NMRK2: variants seen among roughly 807,000 people sequenced by gnomAD.
NMRK2 encodes the protein NRK 2.
A neutral mutation model predicts 24.7 loss-of-function variants in NMRK2; 34 were observed. The observed-to-expected ratio is 1.37, with a 90% CI of 1.05 to 1.83. NMRK2 has a LOEUF of 1.83. Among genes scored for constraint, NMRK2 ranks in the 40% most tolerant of loss-of-function variants. NMRK2 has a pLI of 0.00. For missense variants in NMRK2, 341 were observed against 315.0 expected, an observed-to-expected ratio of 1.08 and a Z score of -0.62; for synonymous variants, 145 against 125.6, an observed-to-expected ratio of 1.15 and a Z score of -1.03.
chr19:3,940,922 G>A, intron 6 of NMRK2, 149 bp from the exon 7 acceptor site: 1 of 551,550 alleles, frequency 1.8e-6, no homozygotes, highest in South Asian at 2.4e-5. Flanking sequence ...GCCGGAGGTT[G>A]GAGCCTCTAG....
In NMRK2 at chr19:3,933,502, T is replaced by G. The variant is rs1291848748; in HGVS notation, c.-170T>G. 1.5e-5 allele frequency: 10 copies of G among 647,810 alleles called. No homozygotes were observed. Among genetic ancestry groups the G allele is most frequent in the Non-Finnish European group, 2.2e-5 (9 of 405,212 alleles). 40.1% of individuals were successfully genotyped at this position (647,810 alleles called of 1,614,324 possible). ...GGCGGCGGGAACAGGTGCCGGCGCCTCCGCCCCATCCCCAGGGGCCGCCTC... is the reference window on the plus strand; with the variant it reads ...GGCGGCGGGAACAGGTGCCGGCGCCGCCGCCCCATCCCCAGGGGCCGCCTC... On this transcript the variant is annotated 5_prime_UTR_variant, in exon 2 of 8. Transcript: ENST00000168977.
chr19:3,939,083 A>C lies in NMRK2; in HGVS notation c.323+324A>C, dbSNP rs1409483586. On this transcript the variant is annotated intron_variant, in intron 5 of 7. Transcript: ENST00000168977. ...AGGATGTTCTCAAACTCCTGACCTC[A>C]AGCCATCCGCCCGCCTCGGACTCCC... Among the ~76,000 whole-genome samples the C allele has an allele frequency of 5.9e-5, 9 of 151,324 alleles. 1 individual carries two copies. The highest frequency in any genetic ancestry group is 1.9e-4 in the African/African-American group (8 of 41,342).
In NMRK2 at chr19:3,933,582, T is replaced by G; in HGVS notation, c.-90T>G. The G allele has an allele frequency of 6.9e-7, 1 of 1,455,606 alleles. No homozygotes were observed. Among genetic ancestry groups the G allele is most frequent in the Non-Finnish European group, 9.2e-7 (1 of 1,090,318 alleles). 90.2% of individuals were successfully genotyped at this position (1,455,606 alleles called of 1,614,324 possible). ...CTATAAAGGCGCCAGGTTTTCTCAATGAAGCCGGGACGCACTCCGGAGCGC... is the reference window on the plus strand; with the variant it reads ...CTATAAAGGCGCCAGGTTTTCTCAAGGAAGCCGGGACGCACTCCGGAGCGC... On this transcript the variant is annotated 5_prime_UTR_variant, in exon 2 of 8. The change abolishes an upstream ATG in the 5' untranslated region. Transcript: ENST00000168977.
chr19:3,936,286 T>C (rs1479422493), intron 2 of NMRK2, among the ~76,000 whole-genome samples: 1 of 151,912 alleles, frequency 6.6e-6, no homozygotes, highest in Non-Finnish European at 1.5e-5. Context: ...CGTGTGCCTG[T>C]AGTCCCAGCT....
At chr19:3,941,394 C>T (rs1025325452) in intron 7 of NMRK2, among the ~76,000 whole-genome samples, 15 of 151,590 alleles carry the variant, frequency 9.9e-5, no homozygotes, top group African/African-American at 2.4e-4. Flanking sequence ...GGATTACAGG[C>T]GTGAGCCACC....
At chr19:3,938,194 C>A (rs2039250485) in intron 4 of NMRK2, among the ~76,000 whole-genome samples, 11 of 133,908 alleles carry the variant, frequency 8.2e-5, no homozygotes, top group African/African-American at 2.6e-4. Flanking sequence ...GTCCACTGTT[C>A]CCCCAGGGTC....
chr19:3,933,752 G>T, intron 2 of NMRK2, 55 bp downstream of exon 2: 1 of 1,368,552 alleles, frequency 7.3e-7, no homozygotes. Context: ...CCCTGTGCGC[G>T]CAGAGGGGGA....
chr19:3,936,520 C>A (rs2039216201), intron 2 of NMRK2, 55 bp from the exon 3 acceptor site: 1 of 1,379,706 alleles, frequency 7.2e-7, no homozygotes, highest in Non-Finnish European at 9.8e-7. Context: ...CTTCTGAGCA[C>A]CCTGACCTTC....
intron 2 of NMRK2, among the ~76,000 whole-genome samples, chr19:3,934,359 G>A (rs1430555213): frequency 6.6e-6 from 1 of 152,086 alleles, no homozygotes; most frequent in Non-Finnish European, 1.5e-5. Context: ...GTGGGATGGG[G>A]TCCCCAAAAT....
rs146515587 is a variant in NMRK2 at position 3,940,417 on chromosome 19, G to A, written c.395+446G>A. Reference sequence around the variant, plus strand: ...TCCCAGCACTTTGGGAGGCTTGGGCGGATCACCTGAAGTCAGTTCGAGACC... The same window carrying A: ...TCCCAGCACTTTGGGAGGCTTGGGCAGATCACCTGAAGTCAGTTCGAGACC... On this transcript the variant is annotated intron_variant, in intron 6 of 7. Transcript: ENST00000168977. 4.6e-3 allele frequency among the ~76,000 whole-genome samples: 691 copies of A among 149,796 alleles called. 4 individuals are homozygous for A. Among genetic ancestry groups the A allele is most frequent in the Admixed American group, 7.1e-3 (107 of 14,988 alleles).
In NMRK2 at chr19:3,941,100, C is replaced by A; in HGVS notation, c.425C>A (p.Pro142His). Residue 142 changes from proline (P) to histidine (H), a missense_variant, in exon 7 of 8, where the codon CCC becomes CAC. Transcript: ENST00000168977. ...CGCAACTACACAGTCCCTGATCCCC[C>A]CGGCCTCTTCGATGGCCACGTGTGG... ...STRNYTVPDP[P>H]GLFDGHVWPM... 1 of 1,613,880 alleles carries A rather than the reference C, an allele frequency of 6.2e-7. No individual in the cohort carries two copies. Among genetic ancestry groups the A allele is most frequent in the Non-Finnish European group, 8.5e-7 (1 of 1,179,792 alleles).
At position 3,938,837 on chromosome 19, in the gene NMRK2, T is replaced by TG. The variant is rs1568180852; in HGVS notation, c.323+78_323+79insG. 69 of 579,106 alleles carry TG rather than the reference T, an allele frequency of 1.2e-4. No homozygotes were observed. In the African/African-American group the frequency reaches 2.5e-3, roughly 21 times the overall value. The allele number at this position is 579,106 out of a possible 1,614,324, so 35.9% of individuals were successfully genotyped here. On this transcript the variant is annotated intron_variant, in intron 5 of 7. Transcript: ENST00000168977. ...GCCATCTCTTGTTTTTTTTTTTTTTTTTTTTTGTTTTGTTTTTTTTTTTTT... is the reference window on the plus strand; with the variant it reads ...GCCATCTCTTGTTTTTTTTTTTTTTTGTTTTTTGTTTTGTTTTTTTTTTTTT...
intron 7 of NMRK2, 72 bp downstream of exon 7, chr19:3,941,249 C>A: frequency 1.1e-5 from 3 of 275,280 alleles, no homozygotes; most frequent in Non-Finnish European, 2.1e-5. Flanking sequence ...CCCTCTCCAT[C>A]TTTTTTTTTT....
At position 3,937,299 on chromosome 19, in the gene NMRK2, G is replaced by T. The variant is rs777055714; in HGVS notation, c.166+11G>T. 4.3e-6 allele frequency: 7 copies of T among 1,612,288 alleles called. No homozygotes were observed. The highest frequency in any genetic ancestry group is 5.1e-6 in the Non-Finnish European group (6 of 1,178,938). On this transcript the variant is annotated intron_variant, in intron 4 of 7. Coordinates refer to ENST00000168977, the MANE Select transcript of NMRK2 (RefSeq NM_170678.3). ...TCAAACAGTGGGACGGTAAGGACAA[G>T]CATCACCTCCAAGCCCCACTATCCC...
chr19:3,940,998 G>GC (rs1201245919), intron 6 of NMRK2, 73 bp from the exon 7 acceptor site: 4 of 964,486 alleles, frequency 4.1e-6, no homozygotes, highest in Non-Finnish European at 4.8e-6. Context: ...CAGCTTTCAG[G>GC]CCCCCCACCG....
chr19:3,938,754 C>A lies in NMRK2; in HGVS notation c.318C>A (p.Ser106Arg). 6.3e-7 allele frequency: 1 copy of A among 1,587,878 alleles called. No individual in the cohort carries two copies. Among genetic ancestry groups the A allele is most frequent in the Non-Finnish European group, 8.6e-7 (1 of 1,164,944 alleles). Residue 106 changes from serine to arginine, a missense_variant, in exon 5 of 8, where the codon AGC becomes AGA. By Grantham distance (110) the Ser-to-Arg change is moderately radical. Transcript: ENST00000168977. ...TCCTGGAAGGCTTCCTGCTCTACAG[C>A]TACAAGTAAACATCTGCAGGCTCTG... Reference protein sequence around the residue: ...ILLLEGFLLYSYKPLVDLYSR... With the variant: ...ILLLEGFLLYRYKPLVDLYSR...
chr19:3,934,554 GTTTT>G lies in NMRK2; in HGVS notation c.26+865_26+868del, dbSNP rs34611890. On this transcript the variant is annotated intron_variant, in intron 2 of 7. Coordinates refer to ENST00000168977, the MANE Select transcript of NMRK2 (RefSeq NM_170678.3). ...AATTTCATATTTTTTGTTTTTTGGG[GTTTT>G]TTTTTTTGGGGGGGGGGTGTTGTTG... Among the ~76,000 whole-genome samples the G allele has an allele frequency of 1.3e-3, 190 of 143,642 alleles. 2 individuals are homozygous for G. The South Asian group carries it at 0.028, about 21-fold the overall frequency. The allele number at this position is 143,642 out of a possible 152,430, so 94.2% of individuals were successfully genotyped here.
chr19:3,933,376 T>G (rs1342821853), intron 1 of NMRK2, 82 bp from the exon 2 acceptor site: 100 of 366,344 alleles, frequency 2.7e-4, no homozygotes, highest in African/African-American at 5.6e-4. Context: ...GAGGAGGGAG[T>G]GGAGAGAGGG....
rs762312652 is a variant in NMRK2, at chr19:3,938,637, C to T, written c.201C>T (p.Asp67=). The change falls in exon 5 of 8, where the codon GAC becomes GAT. Residue 67 remains aspartate (D), a synonymous_variant. Transcript: ENST00000168977. Reference sequence around the variant, plus strand: ...CTCTGGACATGGAGGCCATGCTGGACACCGTGCAGGCCTGGCTGAGCAGCC... The same window carrying T: ...CTCTGGACATGGAGGCCATGCTGGATACCGTGCAGGCCTGGCTGAGCAGCC... ...LESLDMEAML[D]TVQAWLSSPQ... is the part of the protein sequence containing the mutation. The T allele has an allele frequency of 6.2e-7, 1 of 1,604,152 alleles. No homozygotes were observed. The highest frequency in any genetic ancestry group is 1.1e-5 in the South Asian group (1 of 90,366).
Sources: gnomAD v4.1 joint callset for allele counts (sites outside exome capture counted in the v4.1 genomes callset) on GRCh38, gnomAD v4.1.1 for gene constraint, MANE v1.5 for transcripts, NCBI Gene and HGNC (gene_info 2026-07-23, HGNC 2026-07-21) for gene names.